Variants in ASCC3 observed in about 807,000 individuals in gnomAD.
The protein encoded by ASCC3 is ASC-1 complex subunit P200.
ASCC3 carries 158 observed loss-of-function variants against 256.3 expected under a neutral mutation model. The ratio of observed to expected loss-of-function variants is 0.62; its 90% CI spans 0.54 to 0.70. ASCC3 has a LOEUF of 0.70. Ranked by LOEUF, ASCC3 falls within the 30% of genes least tolerant of loss-of-function variation. The pLI is 0.00. For missense variants in ASCC3, 2,259 were observed against 2,626.0 expected (o/e 0.86, Z 3.05); for synonymous variants, 948 against 883.4 (o/e 1.07, Z -1.30).
chr6:100,806,009 A>G (rs1226743811), intron 4 of ASCC3, 129 bp from the exon 5 acceptor site: 1 of 861,476 alleles, frequency 1.2e-6, no homozygotes, highest in East Asian at 2.7e-5. Context: ...ATTTAATAAA[A>G]ATGGTACCTT....
At chr6:100,848,051 T>A in intron 4 of ASCC3, 97 bp downstream of exon 4, 1 of 1,234,982 alleles carries the variant, frequency 8.1e-7, no homozygotes, top group South Asian at 1.6e-5. Context: ...ATACAGAACA[T>A]TAAAGAACTT....
At chr6:100,663,228 T>G (rs1776310830) in intron 14 of ASCC3, among the ~76,000 whole-genome samples, 1 of 152,136 alleles carries the variant, frequency 6.6e-6, no homozygotes, top group South Asian at 2.1e-4. Flanking sequence ...GCATTGAGTA[T>G]AGAGGAGTCC....
intron 11 of ASCC3, among the ~76,000 whole-genome samples, chr6:100,720,888 A>G (rs967058200): frequency 6.8e-5 from 10 of 148,106 alleles, no homozygotes; most frequent in African/African-American, 2.2e-4. Flanking sequence ...CATATAATAC[A>G]TAATAAACCT....
At chr6:100,858,792 G>T in intron 3 of ASCC3, 1 of 716,732 alleles carries the variant, frequency 1.4e-6, no homozygotes, top group African/African-American at 1.9e-5. Flanking sequence ...TATCACACCT[G>T]AGATCTAATA....
intron 14 of ASCC3, among the ~76,000 whole-genome samples, chr6:100,677,605 C>T (rs1777088994): frequency 6.6e-6 from 1 of 151,778 alleles, no homozygotes; most frequent in South Asian, 2.1e-4. Context: ...TAAAGTGAAA[C>T]ATCTATTATA....
chr6:100,859,714 C>A (rs987985099), intron 3 of ASCC3, among the ~76,000 whole-genome samples: 1 of 151,952 alleles, frequency 6.6e-6, no homozygotes, highest in Non-Finnish European at 1.5e-5. Context: ...CCTTTTGATT[C>A]ATAGTTTTCT....
At chr6:100,628,198 T>C (rs1421959666) in intron 27 of ASCC3, among the ~76,000 whole-genome samples, 4 of 151,734 alleles carry the variant, frequency 2.6e-5, no homozygotes, top group African/African-American at 9.7e-5. Context: ...AAAACTGACC[T>C]CATGGAAGTA....
intron 4 of ASCC3, among the ~76,000 whole-genome samples, chr6:100,826,411 G>A (rs1229041302): frequency 2.0e-5 from 3 of 152,088 alleles, no homozygotes; most frequent in African/African-American, 4.8e-5. Context: ...TATTACAGGC[G>A]TGAGCCACTG....
chr6:100,534,589 T>C (rs1258067139), intron 37 of ASCC3, among the ~76,000 whole-genome samples: 6 of 152,334 alleles, frequency 3.9e-5, no homozygotes, highest in Admixed American at 2.0e-4. Context: ...AATTAGAATA[T>C]TGTAAACAAA....
chr6:100,594,899 G>T (rs1426307933), intron 34 of ASCC3, among the ~76,000 whole-genome samples: 1 of 152,122 alleles, frequency 6.6e-6, no homozygotes, highest in Non-Finnish European at 1.5e-5. Flanking sequence ...AAATCTAGAG[G>T]GGGAGGAATC....
At chr6:100,797,640 C>T (rs531427041) in intron 8 of ASCC3, among the ~76,000 whole-genome samples, 114 of 151,980 alleles carry the variant, frequency 7.5e-4, no homozygotes, top group Non-Finnish European at 1.4e-3. Flanking sequence ...TAGAATCACC[C>T]ATAGAGCTTC....
intron 11 of ASCC3, among the ~76,000 whole-genome samples, chr6:100,723,875 TA>T (rs1349219289): frequency 1.6e-5 from 2 of 127,244 alleles, no homozygotes; most frequent in Admixed American, 7.9e-5. Context: ...TATATATATA[TA>T]TATATATATA....
At chr6:100,583,978 A>G (rs1221245868) in intron 36 of ASCC3, among the ~76,000 whole-genome samples, 2 of 152,034 alleles carry the variant, frequency 1.3e-5, no homozygotes, top group Non-Finnish European at 2.9e-5. Context: ...CTGTTGTTTT[A>G]CATTTGCTGA....
At chr6:100,817,832 TA>T (rs1770828368) in intron 4 of ASCC3, among the ~76,000 whole-genome samples, 3 of 152,062 alleles carry the variant, frequency 2.0e-5, no homozygotes, top group Admixed American at 1.3e-4. Context: ...TGAATTCCAC[TA>T]AATATTTAAA....
At chr6:100,830,475 C>A (rs1297659024) in intron 4 of ASCC3, among the ~76,000 whole-genome samples, 4 of 152,120 alleles carry the variant, frequency 2.6e-5, no homozygotes, top group Non-Finnish European at 5.9e-5. Context: ...TGTTTACTCT[C>A]TTTCCTTATG....
chr6:100,764,828 T>TG (rs956134898), intron 10 of ASCC3, among the ~76,000 whole-genome samples: 4 of 152,072 alleles, frequency 2.6e-5, no homozygotes, highest in African/African-American at 9.7e-5. Flanking sequence ...AAATTGTGTT[T>TG]GGGGGGTCGG....
chr6:100,552,462 C>A (rs1341865450), intron 36 of ASCC3, among the ~76,000 whole-genome samples: 1 of 151,838 alleles, frequency 6.6e-6, no homozygotes, highest in Non-Finnish European at 1.5e-5. Context: ...CTTTGAAAGA[C>A]CAATATGTGC....
At chr6:100,595,848 C>A (rs959863729) in intron 34 of ASCC3, among the ~76,000 whole-genome samples, 6 of 152,096 alleles carry the variant, frequency 3.9e-5, no homozygotes, top group Non-Finnish European at 8.8e-5. Context: ...ATTATCAATG[C>A]AGATTTTTGT....
At chr6:100,686,550 C>T (rs947127192) in intron 13 of ASCC3, among the ~76,000 whole-genome samples, 1 of 152,118 alleles carries the variant, frequency 6.6e-6, no homozygotes, top group African/African-American at 2.4e-5. Flanking sequence ...ATAGTTTTCT[C>T]ATTTATATTT....
Sources: allele counts gnomAD v4.1 joint callset (sites outside exome capture counted in the v4.1 genomes callset), GRCh38; gene constraint gnomAD v4.1.1; transcripts MANE v1.5; gene names NCBI Gene and HGNC (gene_info 2026-07-23, HGNC 2026-07-21).